Variants in ARB2A observed in about 807,000 individuals in gnomAD.
ARB2A encodes the protein cotranscriptional regulator ARB2A.
chr5:93,761,432 C>A, the ARB2A span, among the ~76,000 whole-genome samples: 1 of 152,200 alleles, frequency 6.6e-6, no homozygotes, highest in Non-Finnish European at 1.5e-5. Flanking sequence ...CTCAGAGGGT[C>A]CTACGCCCAT....
chr5:93,872,930 A>AG, the ARB2A span, among the ~76,000 whole-genome samples: 1 of 152,006 alleles, frequency 6.6e-6, no homozygotes, highest in African/African-American at 2.4e-5. Flanking sequence ...AAAAAAAGAA[A>AG]GAAAAAAAAT....
the ARB2A span, among the ~76,000 whole-genome samples, chr5:93,658,212 G>C: frequency 6.6e-6 from 1 of 152,024 alleles, no homozygotes. Flanking sequence ...TTGCATTCTT[G>C]AACATTCAGC....
the ARB2A span, among the ~76,000 whole-genome samples, chr5:94,078,196 T>C: frequency 6.6e-6 from 1 of 152,222 alleles, no homozygotes; most frequent in Non-Finnish European, 1.5e-5. Context: ...CTGAATGCAT[T>C]GATGAAAGTA....
At chr5:94,085,467 T>A in the ARB2A span, among the ~76,000 whole-genome samples, 1 of 152,154 alleles carries the variant, frequency 6.6e-6, no homozygotes, top group African/African-American at 2.4e-5. Context: ...CATAAATAAA[T>A]GATTGGTACT....
chr5:93,965,304 C>T, the ARB2A span, among the ~76,000 whole-genome samples: 1 of 151,946 alleles, frequency 6.6e-6, no homozygotes, highest in East Asian at 1.9e-4. Context: ...GAATAACCTT[C>T]AGTTTACAAC....
At chr5:94,007,630 C>T in the ARB2A span, among the ~76,000 whole-genome samples, 18 of 152,222 alleles carry the variant, frequency 1.2e-4, no homozygotes, top group African/African-American at 4.1e-4. Context: ...AAAAAATTAG[C>T]TGTGCATGGT....
At chr5:93,769,279 C>T in the ARB2A span, among the ~76,000 whole-genome samples, 2 of 152,132 alleles carry the variant, frequency 1.3e-5, no homozygotes, top group African/African-American at 4.8e-5. Context: ...CTGGAAAAAA[C>T]ACTTCATTAA....
chr5:93,798,848 G>GT, the ARB2A span, among the ~76,000 whole-genome samples: 1 of 152,196 alleles, frequency 6.6e-6, no homozygotes, highest in African/African-American at 2.4e-5. Flanking sequence ...TTCCTTCCTT[G>GT]TAATACTACA....
chr5:93,623,280 T>C, the ARB2A span, among the ~76,000 whole-genome samples: 67 of 151,702 alleles, frequency 4.4e-4, no homozygotes, highest in African/African-American at 1.6e-3. Flanking sequence ...AGGTGTTAAT[T>C]GTCTCTTTTC....
the ARB2A span, among the ~76,000 whole-genome samples, chr5:93,774,316 T>C: frequency 6.6e-6 from 1 of 152,220 alleles, no homozygotes; most frequent in Admixed American, 6.5e-5. Context: ...AAGAGTTGCA[T>C]ATCTCTCACT....
chr5:93,965,707 T>C, the ARB2A span, among the ~76,000 whole-genome samples: 1 of 152,016 alleles, frequency 6.6e-6, no homozygotes, highest in African/African-American at 2.4e-5. Context: ...GAGAATAATT[T>C]TAGCAGAAAC....
At chr5:93,830,318 T>TAAATATATAC in the ARB2A span, among the ~76,000 whole-genome samples, 5 of 117,200 alleles carry the variant, frequency 4.3e-5, no homozygotes, top group Non-Finnish European at 9.1e-5. Flanking sequence ...TGTGTATATA[T>TAAATATATAC]ATATATATAT....
At chr5:94,089,898 C>T in the ARB2A span, among the ~76,000 whole-genome samples, 60 of 152,218 alleles carry the variant, frequency 3.9e-4, 1 homozygote, top group African/African-American at 1.4e-3. Flanking sequence ...CATTCTTTCC[C>T]TTTCAAAACG....
chr5:93,942,997 T>C, the ARB2A span, among the ~76,000 whole-genome samples: 1 of 152,136 alleles, frequency 6.6e-6, no homozygotes, highest in Non-Finnish European at 1.5e-5. Flanking sequence ...TTCCATGATA[T>C]GAATATGCCA....
the ARB2A span, among the ~76,000 whole-genome samples, chr5:93,809,544 A>G: frequency 7.2e-5 from 11 of 152,180 alleles, no homozygotes; most frequent in Admixed American, 2.6e-4. Context: ...CACGTCATTC[A>G]TTTGATCCTC....
the ARB2A span, among the ~76,000 whole-genome samples, chr5:93,950,984 C>A: frequency 1.3e-5 from 2 of 150,896 alleles, no homozygotes; most frequent in South Asian, 4.2e-4. Context: ...TAAAATAAGT[C>A]CTAATAGTAT....
chr5:93,675,394 TG>T, the ARB2A span, among the ~76,000 whole-genome samples: 1 of 152,222 alleles, frequency 6.6e-6, no homozygotes, highest in Non-Finnish European at 1.5e-5. Flanking sequence ...TGATATGAAT[TG>T]GCTTTATGTA....
the ARB2A span, among the ~76,000 whole-genome samples, chr5:93,701,490 T>G: frequency 6.6e-6 from 1 of 152,164 alleles, no homozygotes; most frequent in East Asian, 1.9e-4. Context: ...TTATTGCAAG[T>G]GCCCAAGGTT....
chr5:93,992,263 C>T, the ARB2A span, among the ~76,000 whole-genome samples: 1 of 152,060 alleles, frequency 6.6e-6, no homozygotes, highest in Middle Eastern at 3.4e-3. Context: ...ACAAATATTA[C>T]AGTAAGTTCT....
Sources: gnomAD v4.1 joint callset for allele counts (sites outside exome capture counted in the v4.1 genomes callset) on GRCh38, gnomAD v4.1.1 for gene constraint, MANE v1.5 for transcripts, NCBI Gene and HGNC (gene_info 2026-07-23, HGNC 2026-07-21) for gene names.